The following TLN2 variants were observed in gnomAD, a reference collection of about 807,000 sequenced individuals.
TLN2 encodes talin 2.
In TLN2, 118 loss-of-function variants were observed where a neutral mutation model predicts 294.7. The observed-to-expected ratio is 0.40, with a 90% CI of 0.34 to 0.47. TLN2 has a LOEUF of 0.47. TLN2 is among the 20% of genes least tolerant of loss of function. The probability of loss-of-function intolerance (pLI) is 0.84; values close to 1 mark genes in which losing one functional copy is unlikely to be tolerated. For missense variants in TLN2, 3,083 were observed against 3,282.2 expected (o/e 0.94, Z 1.48); for synonymous variants, 1,431 against 1,304.5 (o/e 1.10, Z -2.09).
intron 21 of TLN2, among the ~76,000 whole-genome samples, chr15:62,710,440 A>C (rs1049375849): frequency 6.6e-6 from 1 of 152,164 alleles, no homozygotes; most frequent in Non-Finnish European, 1.5e-5. Flanking sequence ...CTGTATCCTT[A>C]AATAATTTAA....
chr15:62,392,118 C>G (rs1396942319), intron 1 of TLN2, among the ~76,000 whole-genome samples: 1 of 152,236 alleles, frequency 6.6e-6, no homozygotes, highest in African/African-American at 2.4e-5. Flanking sequence ...GTAGCGCCCG[C>G]GGCTGCGTGT....
chr15:62,798,679 T>G (rs1286345834), intron 48 of TLN2, among the ~76,000 whole-genome samples: 3 of 152,180 alleles, frequency 2.0e-5, no homozygotes, highest in Non-Finnish European at 4.4e-5. Context: ...AGAAACCCCC[T>G]GTCATTCAGT....
chr15:62,420,948 G>T (rs2034355260), intron 1 of TLN2, among the ~76,000 whole-genome samples: 1 of 152,150 alleles, frequency 6.6e-6, no homozygotes. Context: ...TCCAGAGAAA[G>T]GTCTTCAGGA....
chr15:62,765,592 G>A (rs2062948217), intron 40 of TLN2, among the ~76,000 whole-genome samples: 1 of 152,184 alleles, frequency 6.6e-6, no homozygotes, highest in South Asian at 2.1e-4. Flanking sequence ...TAGTCCTACA[G>A]AGGGATCTGA....
intron 9 of TLN2, among the ~76,000 whole-genome samples, chr15:62,662,434 T>C (rs1459416864): frequency 6.6e-6 from 1 of 152,154 alleles, no homozygotes; most frequent in African/African-American, 2.4e-5. Flanking sequence ...AATACCAAAA[T>C]GAATACAGAC....
At chr15:62,754,073 A>T (rs1385305521) in intron 36 of TLN2, 157 bp downstream of exon 36, 1 of 999,368 alleles carries the variant, frequency 1.0e-6, no homozygotes, top group Non-Finnish European at 1.3e-6. Flanking sequence ...GGTGGGAGCA[A>T]ATATTGCAAA....
chr15:62,596,660 C>T (rs150971852), intron 2 of TLN2, among the ~76,000 whole-genome samples: 199 of 151,836 alleles, frequency 1.3e-3, no homozygotes, highest in East Asian at 8.0e-3. Flanking sequence ...ATGGCTTGAA[C>T]TTGGGAGGTA....
chr15:62,492,098 T>C (rs1309237571), intron 1 of TLN2, among the ~76,000 whole-genome samples: 4 of 151,896 alleles, frequency 2.6e-5, no homozygotes, highest in African/African-American at 4.8e-5. Flanking sequence ...TGATAACTTA[T>C]TTATTATATA....
intron 1 of TLN2, among the ~76,000 whole-genome samples, chr15:62,586,155 G>T (rs765940265): frequency 1.3e-5 from 2 of 152,144 alleles, no homozygotes; most frequent in Admixed American, 6.6e-5. Flanking sequence ...ATGCATCTCC[G>T]TCGCAAATGT....
chr15:62,715,637 G>C (rs919286052), intron 22 of TLN2, among the ~76,000 whole-genome samples: 3 of 152,202 alleles, frequency 2.0e-5, no homozygotes, highest in Non-Finnish European at 4.4e-5. Context: ...TGTGGGGCTG[G>C]ACAAAGAAAG....
chr15:62,763,677 G>A lies in TLN2; in HGVS notation c.5076G>A (p.Arg1692=). The change falls in exon 40 of 59, where the codon AGG becomes AGA. Residue 1692 remains arginine (R), a synonymous_variant. Transcript: ENST00000636159. ...LAAVSQSLAT[R]DDISVEALQE... Reference sequence around the variant, plus strand: ...CCGTCAGCCAGAGCCTGGCCACGAGGGACGACATCTCTGTGGAGGTAAGCT... The same window carrying A: ...CCGTCAGCCAGAGCCTGGCCACGAGAGACGACATCTCTGTGGAGGTAAGCT... 1 of 1,610,424 alleles carries A rather than the reference G, an allele frequency of 6.2e-7. No homozygotes were observed. Among genetic ancestry groups the A allele is most frequent in the Non-Finnish European group, 8.5e-7 (1 of 1,178,448 alleles).
At chr15:62,626,258 G>T (rs2049275277) in intron 3 of TLN2, among the ~76,000 whole-genome samples, 1 of 152,082 alleles carries the variant, frequency 6.6e-6, no homozygotes, top group South Asian at 2.1e-4. Flanking sequence ...TGTTCTCTGT[G>T]CTTAGGAAAA....
In TLN2 at chr15:62,652,098, G is replaced by T; in HGVS notation, c.328G>T (p.Val110Leu). ...KTVMVDDSKT[V>L]GELLVTICSR... ...AGTGATGGTGGATGATTCCAAGACT[G>T]TGGGGGAGCTCCTGGTCACTATTTG... is the stretch of plus-strand genomic sequence containing the variant. Residue 110 changes from valine (V) to leucine (L), a missense_variant, in exon 6 of 59, where the codon GTG (valine) becomes TTG (leucine). Coordinates refer to ENST00000636159, the MANE Select transcript of TLN2 (RefSeq NM_015059.3). 2 of 1,608,302 alleles carry T rather than the reference G, an allele frequency of 1.2e-6. No homozygotes were observed. Among genetic ancestry groups the T allele is most frequent in the South Asian group, 1.1e-5 (1 of 89,804 alleles).
rs1204060360 is a variant in TLN2 at position 62,702,752 on chromosome 15, T to G, written c.1906-14T>G. 6.2e-7 allele frequency: 1 copy of G among 1,613,634 alleles called. No homozygotes were observed. The highest frequency in any genetic ancestry group is 1.3e-5 in the African/African-American group (1 of 74,934). On this transcript the variant is annotated splice_polypyrimidine_tract_variant and intron_variant, in intron 18 of 58. Transcript: ENST00000636159. The stretch of plus-strand genomic sequence containing the variant: ...GCGTTTTCTTTCCAATTAAGGTGTG[T>G]TGTTTGTTCACAGCCTCGACAGACA...
At chr15:62,718,131 A>G (rs2059901798) in intron 24 of TLN2, among the ~76,000 whole-genome samples, 1 of 152,132 alleles carries the variant, frequency 6.6e-6, no homozygotes, top group Admixed American at 6.5e-5. Flanking sequence ...GTGACTTTGT[A>G]CTTTGGTGCT....
chr15:62,594,108 C>T (rs1246517778), intron 2 of TLN2, among the ~76,000 whole-genome samples: 1 of 152,184 alleles, frequency 6.6e-6, no homozygotes, highest in Non-Finnish European at 1.5e-5. Context: ...GTAATCGAAA[C>T]AGCATGGGTA....
intron 1 of TLN2, among the ~76,000 whole-genome samples, chr15:62,568,126 A>G (rs368292567): frequency 6.6e-6 from 1 of 152,082 alleles, no homozygotes; most frequent in African/African-American, 2.4e-5. Context: ...GGGTGAAGGG[A>G]AAGGGGGCTG....
Position 62,748,344 on chromosome 15 carries a change from G to C in TLN2, c.4026-7G>C, listed in dbSNP as rs2061730051. 2 of 1,577,530 alleles carry C rather than the reference G, an allele frequency of 1.3e-6. No homozygotes were observed. Among genetic ancestry groups the C allele is most frequent in the South Asian group, 1.1e-5 (1 of 87,582 alleles). On this transcript the variant is annotated splice_polypyrimidine_tract_variant and splice_region_variant and intron_variant, in intron 32 of 58. Transcript: ENST00000636159. ...AAAAAAAAAAAAAAATTCTGTTTCTGTCACAGAGCTGTGACAGAGAGCATC... is the reference window on the plus strand; with the variant it reads ...AAAAAAAAAAAAAAATTCTGTTTCTCTCACAGAGCTGTGACAGAGAGCATC...
intron 2 of TLN2, among the ~76,000 whole-genome samples, chr15:62,606,427 A>G (rs765922469): frequency 1.1e-4 from 17 of 152,090 alleles, no homozygotes; most frequent in Admixed American, 3.3e-4. Flanking sequence ...ATTATTGTAA[A>G]TAATACCAGG....
Sources: allele counts gnomAD v4.1 joint callset (sites outside exome capture counted in the v4.1 genomes callset), GRCh38; gene constraint gnomAD v4.1.1; transcripts MANE v1.5; gene names NCBI Gene and HGNC (gene_info 2026-07-23, HGNC 2026-07-21).